Variants in PMS2 observed in about 807,000 individuals in gnomAD.
The protein encoded by PMS2 is PMS1 homolog 2, mismatch repair system component.
Under a neutral mutation model 90.0 loss-of-function variants are expected in PMS2, and 69 were observed. The ratio of observed to expected loss-of-function variants is 0.77; its 90% CI spans 0.63 to 0.94. The LOEUF is 0.94. Ranked by LOEUF, PMS2 falls within the 40% of genes least tolerant of loss-of-function variation. The probability of loss-of-function intolerance (pLI) is 0.00; values close to 1 mark genes in which losing one functional copy is unlikely to be tolerated. For missense variants in PMS2, 966 were observed against 1,040.2 expected, an observed-to-expected ratio of 0.93 and a Z score of 0.98; for synonymous variants, 332 against 375.1, an observed-to-expected ratio of 0.89 and a Z score of 1.33.
At chr7:5,998,004 A>T (rs1045536384) in intron 6 of PMS2, among the ~76,000 whole-genome samples, 7 of 152,004 alleles carry the variant, frequency 4.6e-5, no homozygotes, top group Non-Finnish European at 7.4e-5. Flanking sequence ...AAGACGCAGT[A>T]TACGAGTGTC....
At position 5,978,606 on chromosome 7, in the gene PMS2, G is replaced by T. The variant is rs145646046; in HGVS notation, c.2265C>A (p.Ile755=). 5 of 1,602,068 alleles carry T rather than the reference G, an allele frequency of 3.1e-6. 1 individual carries two copies. The South Asian group carries it at 5.5e-5, about 18-fold the overall frequency. Residue 755 remains isoleucine, a synonymous_variant, in exon 13 of 15, where the codon ATC becomes ATA. Coordinates refer to ENST00000265849, the MANE Select transcript of PMS2 (RefSeq NM_000535.7). ...TAATTAATAACTTACCATTTTCATC[G>T]ATAACAAAATCAAAGCCATTCTTTC... ...IFRKNGFDFV[I]DENAPVTERA...
chr7:6,007,506 C>T (rs933697960), intron 1 of PMS2, among the ~76,000 whole-genome samples: 4 of 152,150 alleles, frequency 2.6e-5, no homozygotes, highest in African/African-American at 9.7e-5. Flanking sequence ...AAACCGCTCT[C>T]CTCTTCCTCC....
intron 10 of PMS2, 80 bp from the exon 11 acceptor site, chr7:5,987,700 C>T (rs1170853509): frequency 2.0e-5 from 19 of 953,860 alleles, no homozygotes; most frequent in Non-Finnish European, 2.9e-5. Context: ...ACAGATACTT[C>T]ACAAAAGAGG....
chr7:6,008,110 G>C (rs1236669905), intron 1 of PMS2, among the ~76,000 whole-genome samples: 2 of 152,084 alleles, frequency 1.3e-5, no homozygotes, highest in Admixed American at 6.6e-5. Context: ...ACCCGCCTTG[G>C]CCTCCCAAAG....
intron 13 of PMS2, 133 bp downstream of exon 13, chr7:5,978,463 G>A: frequency 9.6e-7 from 1 of 1,037,012 alleles, no homozygotes; most frequent in Admixed American, 2.1e-5. Flanking sequence ...TAGAGATGGG[G>A]TTTCACCATG....
At chr7:6,007,786 A>G (rs918328564) in intron 1 of PMS2, among the ~76,000 whole-genome samples, 26 of 152,140 alleles carry the variant, frequency 1.7e-4, no homozygotes, top group Admixed American at 8.5e-4. Flanking sequence ...GACCTCACAG[A>G]AAATGGAAAG....
At chr7:5,978,483 C>T (rs1781957407) in intron 13 of PMS2, 113 bp downstream of exon 13, 3 of 1,163,522 alleles carry the variant, frequency 2.6e-6, no homozygotes, top group Non-Finnish European at 3.8e-6. Context: ...GTTAGCCAGG[C>T]TGGTCTCAAA....
At chr7:5,992,169 TTTTG>T in intron 8 of PMS2, 112 bp from the exon 9 acceptor site, 1 of 681,210 alleles carries the variant, frequency 1.5e-6, no homozygotes, top group Non-Finnish European at 2.6e-6. Context: ...GGGGATACTT[TTTTG>T]TTTTTTTTTT....
chr7:5,981,960 A>G (rs1283462118), intron 12 of PMS2, among the ~76,000 whole-genome samples: 2 of 152,100 alleles, frequency 1.3e-5, no homozygotes, highest in Admixed American at 6.6e-5. Context: ...AAAATCTGCT[A>G]TATGAATACT....
At chr7:6,004,576 T>G (rs1785500487) in intron 2 of PMS2, among the ~76,000 whole-genome samples, 2 of 151,898 alleles carry the variant, frequency 1.3e-5, no homozygotes, top group Non-Finnish European at 2.9e-5. Context: ...TTAGCCAGGC[T>G]TGGTGGCGCA....
intron 5 of PMS2, 152 bp from the exon 6 acceptor site, chr7:5,999,427 C>T: frequency 2.6e-6 from 2 of 760,558 alleles, no homozygotes; most frequent in Non-Finnish European, 4.5e-6. Context: ...GAGGTGTCTT[C>T]CTATATTCTA....
intron 8 of PMS2, among the ~76,000 whole-genome samples, chr7:5,992,316 A>ATTTT (rs1444607368): frequency 7.1e-6 from 1 of 140,900 alleles, no homozygotes; most frequent in South Asian, 2.3e-4. Context: ...TACAGGCAGG[A>ATTTT]TTTTTTTTTC....
intron 6 of PMS2, 96 bp downstream of exon 6, chr7:5,999,012 C>G: frequency 8.2e-7 from 1 of 1,212,704 alleles, no homozygotes; most frequent in Non-Finnish European, 1.2e-6. Context: ...AAAATCAATT[C>G]TAAGATTTTA....
intron 5 of PMS2, chr7:6,002,202 T>G: frequency 2.6e-6 from 1 of 388,858 alleles, no homozygotes; most frequent in Non-Finnish European, 4.8e-6. Context: ...GTAAATTTTT[T>G]TTTAAAATTT....
At chr7:5,973,564 TCAA>T (rs587779339) in intron 14 of PMS2, 22 bp from the exon 15 acceptor site, 1 of 477,596 alleles carries the variant, frequency 2.1e-6, no homozygotes, top group Non-Finnish European at 3.7e-6. Context: ...ACACAATGGT[TCAA>T]CGTTTTAGTA....
chr7:5,984,299 G>A lies in PMS2; in HGVS notation c.2007-1308C>T, dbSNP rs184472976. ...TTTGCGGGTGGCTTCAACATCTAAT[G>A]TCATTAAATACTAACTTAGTCAATC... On this transcript the variant is annotated intron_variant, in intron 11 of 14. Coordinates refer to ENST00000265849, the MANE Select transcript of PMS2 (RefSeq NM_000535.7). 1.1e-3 allele frequency among the ~76,000 whole-genome samples: 165 copies of A among 151,912 alleles called. 3 individuals carry two copies. In the East Asian group the frequency reaches 0.02, roughly 18 times the overall value.
At chr7:5,998,369 T>C (rs1221274802) in intron 6 of PMS2, among the ~76,000 whole-genome samples, 1 of 143,406 alleles carries the variant, frequency 7.0e-6, no homozygotes, top group African/African-American at 2.5e-5. Context: ...CGTGAGCCAC[T>C]GCGCCGGGCC....
intron 1 of PMS2, among the ~76,000 whole-genome samples, chr7:6,008,581 T>C (rs1786155195): frequency 1.3e-5 from 2 of 151,236 alleles, no homozygotes; most frequent in Admixed American, 6.6e-5. Flanking sequence ...GAAATCCCCG[T>C]CTCTACAAAA....
chr7:5,977,681 A>G lies in PMS2; in HGVS notation c.2352T>C (p.Asp784=), dbSNP rs758875280. ...TGTCGCTCAGCATGAAGATCAGTTCATCGACGTCCTGGGGTCCGAAGGTCC... is the reference window on the plus strand; with the variant it reads ...TGTCGCTCAGCATGAAGATCAGTTCGTCGACGTCCTGGGGTCCGAAGGTCC... ...KNWTFGPQDV[D]ELIFMLSDSP... Residue 784 remains aspartate, a synonymous_variant, in exon 14 of 15, where the codon GAT becomes GAC. Coordinates refer to ENST00000265849, the MANE Select transcript of PMS2 (RefSeq NM_000535.7). The G allele has an allele frequency of 6.2e-7, 1 of 1,606,194 alleles. No homozygotes were observed. Among genetic ancestry groups the G allele is most frequent in the Non-Finnish European group, 8.5e-7 (1 of 1,174,846 alleles).
Sources: gnomAD v4.1 joint callset for allele counts (sites outside exome capture counted in the v4.1 genomes callset) on GRCh38, gnomAD v4.1.1 for gene constraint, MANE v1.5 for transcripts, NCBI Gene and HGNC (gene_info 2026-07-23, HGNC 2026-07-21) for gene names.